Variants in DCC observed in about 807,000 individuals in gnomAD.
DCC encodes netrin receptor DCC.
Under a neutral mutation model 172.5 loss-of-function variants are expected in DCC, and 58 were observed. The ratio of observed to expected loss-of-function variants is 0.34; its 90% CI spans 0.27 to 0.42. The LOEUF is 0.42. DCC is among the 10% of genes least tolerant of loss of function. The pLI, the probability that DCC is intolerant of heterozygous loss-of-function variation, is 1.00. For missense variants in DCC, 1,740 were observed against 1,791.0 expected (o/e 0.97, Z 0.51); for synonymous variants, 709 against 644.5 (o/e 1.10, Z -1.52).
At chr18:52,852,274 T>G (rs2038986545) in intron 2 of DCC, among the ~76,000 whole-genome samples, 1 of 152,144 alleles carries the variant, frequency 6.6e-6, no homozygotes, top group Non-Finnish European at 1.5e-5. Context: ...ATCATTTTTA[T>G]TTTTTGCATA....
chr18:53,188,351 TTAAAAAA>T (rs1419516880), intron 9 of DCC, among the ~76,000 whole-genome samples: 1 of 152,174 alleles, frequency 6.6e-6, no homozygotes, highest in Non-Finnish European at 1.5e-5. Flanking sequence ...AAATATCACT[TTAAAAAA>T]TAAGCAAAAG....
chr18:52,693,316 ATATC>A (rs1239545206), intron 1 of DCC, among the ~76,000 whole-genome samples: 1 of 148,688 alleles, frequency 6.7e-6, no homozygotes, highest in Admixed American at 6.8e-5. Context: ...ATATATTACA[ATATC>A]TAAATATTAT....
chr18:52,529,909 T>C (rs1288871129), intron 1 of DCC, among the ~76,000 whole-genome samples: 8 of 152,126 alleles, frequency 5.3e-5, no homozygotes, highest in Non-Finnish European at 8.8e-5. Context: ...CCCATTTACA[T>C]TTCTGGAAAA....
chr18:52,645,843 G>A (rs983414283), intron 1 of DCC, among the ~76,000 whole-genome samples: 1 of 152,134 alleles, frequency 6.6e-6, no homozygotes, highest in Non-Finnish European at 1.5e-5. Flanking sequence ...AAATATGAAA[G>A]ACTTGGCTGT....
chr18:53,084,691 T>G (rs1381603356), intron 7 of DCC, among the ~76,000 whole-genome samples: 1 of 152,160 alleles, frequency 6.6e-6, no homozygotes, highest in Non-Finnish European at 1.5e-5. Context: ...GAATTCATCT[T>G]TAGAGCCTGC....
intron 7 of DCC, among the ~76,000 whole-genome samples, chr18:53,084,919 T>C (rs1466385818): frequency 6.6e-6 from 1 of 152,204 alleles, no homozygotes; most frequent in East Asian, 1.9e-4. Flanking sequence ...GTTGAACAAA[T>C]AGTGATTTTT....
intron 5 of DCC, among the ~76,000 whole-genome samples, chr18:53,038,077 A>G (rs936047947): frequency 6.6e-6 from 1 of 152,022 alleles, no homozygotes; most frequent in East Asian, 1.9e-4. Context: ...ACCAATATTT[A>G]GCGCTGTTAT....
intron 5 of DCC, among the ~76,000 whole-genome samples, chr18:53,042,382 T>C (rs964650594): frequency 6.6e-6 from 1 of 152,038 alleles, no homozygotes; most frequent in Non-Finnish European, 1.5e-5. Flanking sequence ...ATAAGCTTTT[T>C]GATGTGCTGC....
intron 8 of DCC, among the ~76,000 whole-genome samples, chr18:53,157,853 C>A (rs542852970): frequency 6.6e-6 from 1 of 152,260 alleles, no homozygotes; most frequent in East Asian, 1.9e-4. Context: ...AGCTTGTAAT[C>A]CCATTTCTGT....
At chr18:52,925,477 T>C (rs1008418494) in intron 5 of DCC, 107 bp downstream of exon 5, 1 of 1,196,886 alleles carries the variant, frequency 8.4e-7, no homozygotes, top group Non-Finnish European at 1.2e-6. Flanking sequence ...TAGTGTGAAA[T>C]TGCAAAGTCC....
intron 2 of DCC, among the ~76,000 whole-genome samples, chr18:52,876,692 T>C (rs973762165): frequency 6.6e-6 from 1 of 152,206 alleles, no homozygotes; most frequent in Non-Finnish European, 1.5e-5. Flanking sequence ...TAAATATCTT[T>C]GTAAATGCAG....
intron 5 of DCC, among the ~76,000 whole-genome samples, chr18:53,031,539 T>A (rs2042025368): frequency 6.6e-6 from 1 of 152,020 alleles, no homozygotes; most frequent in Non-Finnish European, 1.5e-5. Context: ...TTGCTGTATA[T>A]CTGCAGGACT....
At chr18:53,204,142 A>C (rs1272019121) in intron 9 of DCC, among the ~76,000 whole-genome samples, 1 of 151,054 alleles carries the variant, frequency 6.6e-6, no homozygotes, top group Non-Finnish European at 1.5e-5. Flanking sequence ...ATATATAGTT[A>C]CATTTGATTA....
chr18:52,824,202 T>C (rs571970823), intron 2 of DCC, among the ~76,000 whole-genome samples: 1 of 152,194 alleles, frequency 6.6e-6, no homozygotes, highest in Non-Finnish European at 1.5e-5. Context: ...GGGAAAGTGA[T>C]GTTTTTTTCT....
At chr18:52,916,011 T>A (rs1210398335) in intron 3 of DCC, among the ~76,000 whole-genome samples, 2 of 152,070 alleles carry the variant, frequency 1.3e-5, no homozygotes, top group African/African-American at 4.8e-5. Flanking sequence ...TTTGAGTTTT[T>A]TACCATGTTG....
intron 1 of DCC, among the ~76,000 whole-genome samples, chr18:52,583,653 TTGAA>T (rs1195034854): frequency 6.6e-6 from 1 of 152,214 alleles, no homozygotes; most frequent in Non-Finnish European, 1.5e-5. Flanking sequence ...ACTTTATACT[TTGAA>T]TGATAATTTA....
chr18:52,885,149 C>T (rs989535371), intron 2 of DCC, among the ~76,000 whole-genome samples: 1 of 152,006 alleles, frequency 6.6e-6, no homozygotes, highest in South Asian at 2.1e-4. Flanking sequence ...CCTGCTGTAA[C>T]CACTACCTGG....
chr18:53,505,679 AAAATAAT>A (rs1205639839), intron 27 of DCC, among the ~76,000 whole-genome samples: 6 of 152,324 alleles, frequency 3.9e-5, no homozygotes, highest in Non-Finnish European at 5.9e-5. Context: ...GAGAAAGTGA[AAAATAAT>A]AAATAATCTA....
intron 15 of DCC, among the ~76,000 whole-genome samples, chr18:53,351,405 A>G (rs1365452506): frequency 0.051 from 616 of 12,004 alleles, 64 homozygotes; most frequent in African/African-American, 0.11. Context: ...TACAGTGTAT[A>G]TATATATATA....
Sources: allele counts gnomAD v4.1 joint callset (sites outside exome capture counted in the v4.1 genomes callset), GRCh38; gene constraint gnomAD v4.1.1; transcripts MANE v1.5; gene names NCBI Gene and HGNC (gene_info 2026-07-23, HGNC 2026-07-21).